Variants in XRCC5 observed in about 807,000 individuals in gnomAD.
XRCC5 encodes DNA repair protein Ku80.
Under a neutral mutation model 95.7 loss-of-function variants are expected in XRCC5, and 12 were observed. That is an observed-to-expected ratio of 0.13 (90% CI 0.08 to 0.20). The LOEUF (loss-of-function observed/expected upper bound fraction) is 0.20, where lower values mean the gene tolerates loss of function less well. XRCC5 is among the 10% of genes least tolerant of loss of function. The probability of loss-of-function intolerance (pLI) is 1.00; values close to 1 mark genes in which losing one functional copy is unlikely to be tolerated. For synonymous variants in XRCC5, 281 were observed against 290.3 expected (o/e 0.97, Z 0.33); for missense variants, 595 against 873.9 (o/e 0.68, Z 4.02).
intron 16 of XRCC5, among the ~76,000 whole-genome samples, chr2:216,170,436 T>A (rs535624451): frequency 2.0e-5 from 3 of 152,264 alleles, no homozygotes; most frequent in African/African-American, 7.2e-5. Context: ...CCAGAGTCCA[T>A]TCAAGCCTTT....
At chr2:216,194,051 A>G (rs966381162) in intron 18 of XRCC5, among the ~76,000 whole-genome samples, 6 of 152,208 alleles carry the variant, frequency 3.9e-5, no homozygotes, top group African/African-American at 1.4e-4. Context: ...CCACAAGACA[A>G]AATGCATGGC....
chr2:216,148,930 T>A (rs984655443), intron 14 of XRCC5, among the ~76,000 whole-genome samples: 1 of 151,950 alleles, frequency 6.6e-6, no homozygotes, highest in Non-Finnish European at 1.5e-5. Context: ...GAAGAAATTG[T>A]TGTTGCTTAT....
intron 16 of XRCC5, chr2:216,175,655 T>C: frequency 2.4e-6 from 1 of 416,564 alleles, no homozygotes; most frequent in Non-Finnish European, 4.6e-6. Context: ...TGTTCTTCAC[T>C]GTTAGGTGGG....
chr2:216,188,055 T>TG (rs780471739), intron 16 of XRCC5, among the ~76,000 whole-genome samples: 17 of 152,100 alleles, frequency 1.1e-4, no homozygotes, highest in Non-Finnish European at 2.4e-4. Flanking sequence ...TCCAGCCATT[T>TG]GCTGTCTAAT....
chr2:216,169,780 T>C (rs368453154), intron 16 of XRCC5, among the ~76,000 whole-genome samples: 5 of 151,344 alleles, frequency 3.3e-5, no homozygotes, highest in South Asian at 4.2e-4. Flanking sequence ...GCGCAGTGGC[T>C]CATGGCTATA....
chr2:216,122,316 A>C, intron 6 of XRCC5, 63 bp downstream of exon 6: 1 of 1,467,830 alleles, frequency 6.8e-7, no homozygotes, highest in East Asian at 2.3e-5. Flanking sequence ...TCTTTTGATT[A>C]GAGGTCTCCC....
At chr2:216,187,153 G>A (rs752491009) in intron 16 of XRCC5, among the ~76,000 whole-genome samples, 1 of 152,110 alleles carries the variant, frequency 6.6e-6, no homozygotes, top group African/African-American at 2.4e-5. Flanking sequence ...GCCAAAATCT[G>A]GTTGTTTGTA....
At chr2:216,132,492 G>A (rs1697011273) in intron 10 of XRCC5, 105 bp downstream of exon 10, 7 of 1,147,612 alleles carry the variant, frequency 6.1e-6, no homozygotes, top group Non-Finnish European at 9.1e-6. Flanking sequence ...ATGAATTCTT[G>A]CAATAGGAGT....
intron 14 of XRCC5, among the ~76,000 whole-genome samples, chr2:216,149,669 A>G (rs918718099): frequency 6.6e-6 from 1 of 152,170 alleles, no homozygotes. Flanking sequence ...TGGGAAAGAA[A>G]TGGGCCATTT....
At chr2:216,166,094 A>C (rs781304820) in intron 16 of XRCC5, among the ~76,000 whole-genome samples, 1 of 152,006 alleles carries the variant, frequency 6.6e-6, no homozygotes, top group Non-Finnish European at 1.5e-5. Flanking sequence ...TTCTATCACC[A>C]CAGAGTTAGA....
At chr2:216,203,470 C>T (rs1011870889) in intron 19 of XRCC5, among the ~76,000 whole-genome samples, 2 of 152,194 alleles carry the variant, frequency 1.3e-5, no homozygotes, top group African/African-American at 2.4e-5. Context: ...AAGGAAAAGG[C>T]TCCCCACTGC....
At chr2:216,116,245 A>G (rs768078517) in intron 2 of XRCC5, among the ~76,000 whole-genome samples, 18 of 152,174 alleles carry the variant, frequency 1.2e-4, no homozygotes, top group Non-Finnish European at 2.5e-4. Flanking sequence ...TGCCCCTGAA[A>G]TTGCTGGGAT....
At chr2:216,164,696 CAA>C (rs1689020414) in intron 16 of XRCC5, among the ~76,000 whole-genome samples, 2 of 152,128 alleles carry the variant, frequency 1.3e-5, no homozygotes, top group Admixed American at 1.3e-4. Flanking sequence ...GGCAGGGAGA[CAA>C]AGTGGGTGAA....
chr2:216,178,441 T>C (rs957009643), intron 16 of XRCC5, among the ~76,000 whole-genome samples: 1 of 152,176 alleles, frequency 6.6e-6, no homozygotes, highest in African/African-American at 2.4e-5. Context: ...ATCAAGATGG[T>C]TAATTGTTTT....
intron 10 of XRCC5, among the ~76,000 whole-genome samples, chr2:216,135,230 A>C (rs896632858): frequency 3.9e-5 from 6 of 152,168 alleles, no homozygotes; most frequent in African/African-American, 9.7e-5. Flanking sequence ...AGAGAGAGAG[A>C]GAGCTGACTA....
At chr2:216,111,020 A>G (rs368821842) in intron 1 of XRCC5, among the ~76,000 whole-genome samples, 2 of 152,220 alleles carry the variant, frequency 1.3e-5, no homozygotes, top group African/African-American at 4.8e-5. Flanking sequence ...GAAATCATCT[A>G]TAACTTCCCT....
intron 16 of XRCC5, among the ~76,000 whole-genome samples, chr2:216,184,466 A>C (rs1188430445): frequency 6.6e-6 from 1 of 152,168 alleles, no homozygotes; most frequent in Non-Finnish European, 1.5e-5. Context: ...TTATAATTTA[A>C]ATGATGCCTT....
At chr2:216,189,847 A>G (rs1689581426) in intron 16 of XRCC5, among the ~76,000 whole-genome samples, 1 of 152,230 alleles carries the variant, frequency 6.6e-6, no homozygotes, top group Admixed American at 6.5e-5. Flanking sequence ...TTCTGTGAAT[A>G]CAATAGGAAA....
intron 14 of XRCC5, chr2:216,156,669 C>G (rs1381025430): frequency 9.1e-6 from 5 of 547,332 alleles, no homozygotes; most frequent in East Asian, 1.0e-4. Context: ...CTTCATAACT[C>G]ACTGCAATTA....
Sources: allele counts gnomAD v4.1 joint callset (sites outside exome capture counted in the v4.1 genomes callset), GRCh38; gene constraint gnomAD v4.1.1; transcripts MANE v1.5; gene names NCBI Gene and HGNC (gene_info 2026-07-23, HGNC 2026-07-21).